The following PHF20 variants were observed in gnomAD, a reference collection of about 807,000 sequenced individuals.
The protein encoded by PHF20 is glioma-expressed antigen 2.
Under a neutral mutation model 113.5 loss-of-function variants are expected in PHF20, and 23 were observed. The observed-to-expected ratio is 0.20, with a 90% confidence interval of 0.15 to 0.29. The LOEUF (loss-of-function observed/expected upper bound fraction) is 0.29. Ranked by LOEUF, PHF20 falls within the 10% of genes least tolerant of loss-of-function variation. PHF20 has a pLI of 1.00. For missense variants in PHF20, 943 were observed against 1,219.6 expected (o/e 0.77, Z 3.38); for synonymous variants, 434 against 457.3 (o/e 0.95, Z 0.65).
intron 3 of PHF20, among the ~76,000 whole-genome samples, chr20:35,846,421 C>T (rs1197784924): frequency 1.4e-4 from 21 of 152,116 alleles, no homozygotes; most frequent in Admixed American, 1.3e-3. Context: ...ACCTTGACCT[C>T]CCAGAGTGCT....
chr20:35,905,190 G>A (rs370411322), intron 10 of PHF20, among the ~76,000 whole-genome samples: 15 of 152,116 alleles, frequency 9.9e-5, no homozygotes, highest in African/African-American at 3.1e-4. Flanking sequence ...CTTTCATGTG[G>A]GGAGAAAAGC....
intron 2 of PHF20, among the ~76,000 whole-genome samples, chr20:35,825,492 C>G (rs1341375475): frequency 6.6e-6 from 1 of 152,206 alleles, no homozygotes; most frequent in Non-Finnish European, 1.5e-5. Flanking sequence ...CTCCTGGCCT[C>G]AAGTTATCCT....
rs1450634471 is a variant in PHF20 at position 35,917,601 on chromosome 20, A to G, written c.1943A>G (p.Tyr648Cys). Residue 648 changes from tyrosine (Y) to cysteine (C), a missense_variant, in exon 13 of 18, where the codon TAT becomes TGT. Transcript: ENST00000374012. ...PDEELDGDDRYDFEVVRCICE... is the reference protein window; with the variant it reads ...PDEELDGDDRCDFEVVRCICE... ...GAGGAACTTGATGGGGATGACCGCT[A>G]TGACTTCGAGGTGGTCCGCTGCATC... 4 of 1,613,972 alleles carry G rather than the reference A, an allele frequency of 2.5e-6. No individual in the cohort carries two copies. In the South Asian group the frequency reaches 3.3e-5, roughly 13 times the overall value.
chr20:35,926,461 G>A (rs1436820744), intron 13 of PHF20, among the ~76,000 whole-genome samples: 3 of 151,418 alleles, frequency 2.0e-5, no homozygotes, highest in Admixed American at 6.6e-5. Flanking sequence ...GGATGGTCTC[G>A]ATCTCCTGAC....
chr20:35,819,648 C>G (rs2042134474), intron 2 of PHF20, among the ~76,000 whole-genome samples: 3 of 147,980 alleles, frequency 2.0e-5, no homozygotes, highest in African/African-American at 4.9e-5. Flanking sequence ...CTTACACCAT[C>G]TGTGTGTGTG....
At chr20:35,944,576 T>G (rs2056052245) in intron 17 of PHF20, among the ~76,000 whole-genome samples, 1 of 152,184 alleles carries the variant, frequency 6.6e-6, no homozygotes, top group African/African-American at 2.4e-5. Context: ...TTTTATTTTA[T>G]TTTATTTTTT....
At chr20:35,781,089 G>A (rs1043774544) in intron 1 of PHF20, among the ~76,000 whole-genome samples, 1 of 151,100 alleles carries the variant, frequency 6.6e-6, no homozygotes, top group African/African-American at 2.4e-5. Flanking sequence ...CTGACCTCAG[G>A]TGCTCCACCC....
intron 15 of PHF20, among the ~76,000 whole-genome samples, chr20:35,936,252 G>C (rs1026035454): frequency 3.3e-5 from 5 of 152,162 alleles, no homozygotes; most frequent in African/African-American, 9.7e-5. Flanking sequence ...TCTGGGTCCT[G>C]GGTAGGCTCC....
At chr20:35,879,710 TC>T (rs2054591536) in intron 9 of PHF20, among the ~76,000 whole-genome samples, 2 of 134,304 alleles carry the variant, frequency 1.5e-5, no homozygotes, top group South Asian at 4.7e-4. Context: ...GTGAGCCATG[TC>T]AAAAAAAAAA....
At position 35,946,613 on chromosome 20, in the gene PHF20, C is replaced by G. The variant is rs139479788; in HGVS notation, c.2897-872C>G. ...TTTTTCTTGACAGGATGCTAAAACA[C>G]CAGGCTCTCTGATTTTCAACATGGG... On this transcript the variant is annotated intron_variant, in intron 17 of 17. Coordinates refer to ENST00000374012, the MANE Select transcript of PHF20 (RefSeq NM_016436.5). 4.8e-3 allele frequency among the ~76,000 whole-genome samples: 720 copies of G among 151,272 alleles called. 5 individuals are homozygous for G. The highest frequency in any genetic ancestry group is 0.016 in the African/African-American group (656 of 41,408).
chr20:35,875,151 A>T (rs1440756579), intron 9 of PHF20, among the ~76,000 whole-genome samples: 1 of 151,700 alleles, frequency 6.6e-6, no homozygotes, highest in Non-Finnish European at 1.5e-5. Context: ...TAATCCCAGC[A>T]CTCTCGGATG....
At chr20:35,890,808 G>A (rs1349954513) in intron 9 of PHF20, among the ~76,000 whole-genome samples, 1 of 152,072 alleles carries the variant, frequency 6.6e-6, no homozygotes, top group Admixed American at 6.5e-5. Flanking sequence ...ACTTGAACCC[G>A]GAGGTGGAGG....
At chr20:35,836,312 C>T (rs1046562066) in intron 2 of PHF20, among the ~76,000 whole-genome samples, 1 of 152,052 alleles carries the variant, frequency 6.6e-6, no homozygotes, top group Non-Finnish European at 1.5e-5. Flanking sequence ...GCCACTATGC[C>T]CAGCCAATAT....
intron 9 of PHF20, among the ~76,000 whole-genome samples, chr20:35,890,349 T>A (rs555766478): frequency 6.6e-6 from 1 of 152,352 alleles, no homozygotes; most frequent in South Asian, 2.1e-4. Context: ...ATGTAGGATA[T>A]TTTTGCTGAA....
At chr20:35,832,073 C>T (rs1420176246) in intron 2 of PHF20, among the ~76,000 whole-genome samples, 4 of 152,156 alleles carry the variant, frequency 2.6e-5, no homozygotes, top group Non-Finnish European at 5.9e-5. Context: ...TTTCCTTGTC[C>T]TCTTTTTTGC....
At chr20:35,937,107 C>A (rs1221233766) in intron 15 of PHF20, among the ~76,000 whole-genome samples, 1 of 152,070 alleles carries the variant, frequency 6.6e-6, no homozygotes, top group Non-Finnish European at 1.5e-5. Flanking sequence ...TAGGTAGATT[C>A]AAAGATTTTC....
chr20:35,869,196 C>G (rs1174174379), intron 6 of PHF20, among the ~76,000 whole-genome samples: 1 of 152,114 alleles, frequency 6.6e-6, no homozygotes, highest in Admixed American at 6.5e-5. Context: ...AAAACTGGAG[C>G]TGGATCATAG....
chr20:35,854,075 A>G (rs995645511), intron 4 of PHF20, among the ~76,000 whole-genome samples: 2 of 152,126 alleles, frequency 1.3e-5, no homozygotes, highest in Non-Finnish European at 2.9e-5. Context: ...TGTTTCTAAG[A>G]AAAAAAGAGG....
At chr20:35,788,768 G>C (rs75258815) in intron 1 of PHF20, among the ~76,000 whole-genome samples, 1 of 151,938 alleles carries the variant, frequency 6.6e-6, no homozygotes, top group Non-Finnish European at 1.5e-5. Flanking sequence ...ACTAGAGATG[G>C]GGTTTTGCCA....
Sources: gnomAD v4.1 joint callset for allele counts (sites outside exome capture counted in the v4.1 genomes callset) on GRCh38, gnomAD v4.1.1 for gene constraint, MANE v1.5 for transcripts, NCBI Gene and HGNC (gene_info 2026-07-23, HGNC 2026-07-21) for gene names.